The following GTPBP4 variants were observed in gnomAD, a reference collection of about 807,000 sequenced individuals.
GTPBP4 encodes the protein GTP-binding protein 4.
A neutral mutation model predicts 81.7 loss-of-function variants in GTPBP4; 15 were observed. That is an observed-to-expected ratio of 0.18 (90% CI 0.12 to 0.28). The LOEUF (loss-of-function observed/expected upper bound fraction) is 0.28, where lower values mean the gene tolerates loss of function less well. Among genes scored for constraint, GTPBP4 ranks in the 10% least tolerant of loss-of-function variants. The pLI is 1.00. For synonymous variants in GTPBP4, 272 were observed against 274.6 expected, an observed-to-expected ratio of 0.99 and a Z score of 0.09; for missense variants, 847 against 793.8, an observed-to-expected ratio of 1.07 and a Z score of -0.81.
At position 992,658 on chromosome 10, in the gene GTPBP4, A is replaced by G. The variant is rs772351092; in HGVS notation, c.218A>G (p.Asp73Gly). The G allele has an allele frequency of 6.3e-7, 1 of 1,593,338 alleles. No homozygotes were observed. Among genetic ancestry groups the G allele is most frequent in the Non-Finnish European group, 8.6e-7 (1 of 1,162,852 alleles). ...ATTCTAACAGATTTCCCCAAATTGG[A>G]TGTAAGTGACTTAGGGGACTTCTGT... ...SQILTDFPKL[D>G]DIHPFYADLM... The change falls in exon 2 of 17, where the codon GAT (aspartate) becomes GGT (glycine). Residue 73 changes from aspartate (D) to glycine (G), a missense_variant and splice_region_variant. By Grantham distance (94) the Asp-to-Gly change is moderately conservative. Around this residue, in one of 3 missense-constraint regions of GTPBP4, gnomAD observed 241 missense variants for 216.3 expected, o/e 1.11. Coordinates refer to ENST00000360803, the MANE Select transcript of GTPBP4 (RefSeq NM_012341.3).
rs540736459 is a variant in GTPBP4 at position 1,011,536 on chromosome 10, GAGCTCTCTGGA to G, written c.1345-927_1345-917del. On this transcript the variant is annotated intron_variant, in intron 13 of 16. Transcript: ENST00000360803. Reference sequence around the variant, plus strand: ...GCTGTCCTGCCTTCTTCTCTCAGCTGAGCTCTCTGGAACATTCTTTTTATACAATACTTGCC... The same window carrying G: ...GCTGTCCTGCCTTCTTCTCTCAGCTGACATTCTTTTTATACAATACTTGCC... Among the ~76,000 whole-genome samples the G allele has an allele frequency of 1.1e-4, 17 of 151,674 alleles. No individual in the cohort carries two copies. In the East Asian group the frequency reaches 1.5e-3, roughly 14 times the overall value.
Position 1,003,628 on chromosome 10 carries a change from T to C in GTPBP4, c.913-2190T>C, listed in dbSNP as rs530063959. ...ACCGTGACTTTCTGGATAGGAGCAG[T>C]GACATTGTTTCTGTGCAGCTTCCTC... is the stretch of plus-strand genomic sequence containing the variant. On this transcript the variant is annotated intron_variant, in intron 8 of 16. Transcript: ENST00000360803. Among the ~76,000 whole-genome samples the C allele has an allele frequency of 2.0e-5, 3 of 152,274 alleles. No homozygotes were observed. In the East Asian group the frequency reaches 5.8e-4, roughly 29 times the overall value.
intron 13 of GTPBP4, among the ~76,000 whole-genome samples, chr10:1,011,758 C>T (rs1446558959): frequency 1.3e-5 from 2 of 152,258 alleles, no homozygotes; most frequent in Non-Finnish European, 2.9e-5. Context: ...TCTGCTGTCA[C>T]CTCTGCTGGG....
Position 995,864 on chromosome 10 carries a change from T to G in GTPBP4, c.220-65T>G, listed in dbSNP as rs1564465961. On this transcript the variant is annotated intron_variant, in intron 2 of 16. Coordinates refer to ENST00000360803, the MANE Select transcript of GTPBP4 (RefSeq NM_012341.3). ...GGAGGGAGAGGGAAAGAAATTGTTC[T>G]TCAAGTGGTAGGGATGAAAAACTGC... 3.3e-6 allele frequency: 3 copies of G among 904,070 alleles called. No homozygotes were observed. In the African/African-American group the frequency reaches 5.0e-5, roughly 15 times the overall value. The allele number at this position is 904,070 out of a possible 1,614,324, so 56.0% of individuals were successfully genotyped here.
Position 1,009,026 on chromosome 10 carries a change from G to A in GTPBP4, c.1182G>A (p.Arg394=). 3 of 1,609,588 alleles carry A rather than the reference G, an allele frequency of 1.9e-6. No homozygotes were observed. Among genetic ancestry groups the A allele is most frequent in the Non-Finnish European group, 2.6e-6 (3 of 1,175,818 alleles). Residue 394 remains arginine (R), a synonymous_variant, in exon 11 of 17, where the codon AGG becomes AGA. Transcript: ENST00000360803. ...AGAGGATGGAAACTGAGGAGTCCAG[G>A]AAGAAGAGGGTATGCTGCCGAAGCT... is the stretch of plus-strand genomic sequence containing the variant. ...RRKRMETEES[R]KKRERDLELE...
At chr10:1,009,662 A>C in intron 12 of GTPBP4, 82 bp downstream of exon 12, 1 of 839,360 alleles carries the variant, frequency 1.2e-6, no homozygotes, top group East Asian at 2.4e-5. Context: ...GACTTTAATA[A>C]GTAATAAAAG....
chr10:1,012,801 G>A (rs982144169), intron 14 of GTPBP4, 139 bp downstream of exon 14: 1 of 628,938 alleles, frequency 1.6e-6, no homozygotes, highest in Admixed American at 3.0e-5. Context: ...GTATGGATTT[G>A]CAAGATCGCT....
intron 1 of GTPBP4, among the ~76,000 whole-genome samples, chr10:990,519 G>A (rs1228878264): frequency 6.6e-6 from 1 of 152,002 alleles, no homozygotes; most frequent in African/African-American, 2.4e-5. Flanking sequence ...TCAGGAGATC[G>A]AGACCATCCT....
At chr10:994,641 C>T (rs975549278) in intron 2 of GTPBP4, among the ~76,000 whole-genome samples, 7 of 152,138 alleles carry the variant, frequency 4.6e-5, no homozygotes, top group Non-Finnish European at 7.3e-5. Context: ...ATACTTTGAT[C>T]TACTTAGTAT....
intron 9 of GTPBP4, 62 bp from the exon 10 acceptor site, chr10:1,006,956 C>T (rs1831749219): frequency 9.8e-7 from 1 of 1,018,840 alleles, no homozygotes; most frequent in East Asian, 2.4e-5. Flanking sequence ...CCTCCTGGAA[C>T]CTGTAGCTGG....
chr10:1,011,190 T>TCCC (rs753164852), intron 13 of GTPBP4, among the ~76,000 whole-genome samples: 27 of 98,672 alleles, frequency 2.7e-4, no homozygotes, highest in Admixed American at 1.4e-3. Flanking sequence ...TGCACCACCT[T>TCCC]CCCCACCCTG....
intron 15 of GTPBP4, among the ~76,000 whole-genome samples, chr10:1,015,376 T>C: frequency 7.2e-6 from 1 of 139,768 alleles, no homozygotes; most frequent in Non-Finnish European, 1.5e-5. Context: ...GCTGGGGTCC[T>C]GAGCTCTGAG....
chr10:999,185 C>A, intron 6 of GTPBP4, 90 bp downstream of exon 6: 5 of 733,066 alleles, frequency 6.8e-6, no homozygotes, highest in Admixed American at 2.0e-5. Flanking sequence ...GTGGCATGAT[C>A]TCAGTCCACT....
chr10:1,017,239 T>C lies in GTPBP4; in HGVS notation c.*12T>C, dbSNP rs1832009820. ...AGGACAGGAGATAGTATCCGTTTGG[T>C]TGGCGTGGCTTCGCTAGAGTGTTGC... is the stretch of plus-strand genomic sequence containing the variant. On this transcript the variant is annotated 3_prime_UTR_variant, in exon 17 of 17. Transcript: ENST00000360803. The C allele has an allele frequency of 6.2e-7, 1 of 1,612,166 alleles. No homozygotes were observed. Among genetic ancestry groups the C allele is most frequent in the African/African-American group, 1.3e-5 (1 of 74,840 alleles).
At chr10:1,010,860 G>A (rs1268011946) in intron 13 of GTPBP4, among the ~76,000 whole-genome samples, 3 of 142,616 alleles carry the variant, frequency 2.1e-5, no homozygotes, top group African/African-American at 8.2e-5. Flanking sequence ...TGGAGATGCT[G>A]GGCCCCTTCA....
intron 8 of GTPBP4, among the ~76,000 whole-genome samples, chr10:1,003,326 T>G (rs534533778): frequency 6.6e-6 from 1 of 152,384 alleles, no homozygotes; most frequent in South Asian, 2.1e-4. Context: ...ATTATCTATC[T>G]GTATTTTGTT....
At position 1,014,294 on chromosome 10, in the gene GTPBP4, C is replaced by G. The variant is rs1217611805; in HGVS notation, c.1590C>G (p.Asp530Glu). ...LEKEMRSLGV[D>E]MDDKDDAHYA... ...AGGAGATGCGTAGTCTTGGTGTTGA[C>G]ATGGACGATAAAGACGATGTGAGTG... Residue 530 changes from aspartate to glutamate, a missense_variant, in exon 15 of 17, where the codon GAC becomes GAG. Asp to Glu is a conservative substitution (Grantham distance 45, BLOSUM62 2). This residue lies in a region of GTPBP4 where 600 missense variants were observed against 557.1 expected (regional missense o/e 1.08). Coordinates refer to ENST00000360803, the MANE Select transcript of GTPBP4 (RefSeq NM_012341.3). 1 of 1,607,914 alleles carries G rather than the reference C, an allele frequency of 6.2e-7. No individual in the cohort carries two copies.
rs201116307 is a variant in GTPBP4 at position 1,019,502 on chromosome 10, C to T, written c.*2275C>T. 1.5e-5 allele frequency: 24 copies of T among 1,599,914 alleles called. No homozygotes were observed. The highest frequency in any genetic ancestry group is 1.2e-4 in the Admixed American group (7 of 59,322). On this transcript the variant is annotated 3_prime_UTR_variant, in exon 17 of 17. Coordinates refer to ENST00000360803, the MANE Select transcript of GTPBP4 (RefSeq NM_012341.3). The stretch of plus-strand genomic sequence containing the variant: ...CTGAGGGCATTACACATGGCTGACT[C>T]GACCTCCCTGCCTCTCACACTCTGT...
intron 9 of GTPBP4, 64 bp downstream of exon 9, chr10:1,005,971 G>C (rs539995810): frequency 1.2e-6 from 1 of 840,324 alleles, no homozygotes; most frequent in East Asian, 2.5e-5. Flanking sequence ...CAAGTCAGTT[G>C]TGGGGAGAAA....
Sources: allele counts gnomAD v4.1 joint callset (sites outside exome capture counted in the v4.1 genomes callset), GRCh38; gene constraint gnomAD v4.1.1; regional missense constraint gnomAD v4.1.1; transcripts MANE v1.5; gene names NCBI Gene and HGNC (gene_info 2026-07-23, HGNC 2026-07-21).